The following PUS10 variants were observed in gnomAD, a reference collection of about 807,000 sequenced individuals.
The protein encoded by PUS10 is tRNA pseudouridine synthase Pus10.
A neutral mutation model predicts 75.0 loss-of-function variants in PUS10; 59 were observed. The observed-to-expected ratio is 0.79, with a 90% confidence interval of 0.64 to 0.98. The LOEUF (loss-of-function observed/expected upper bound fraction) is 0.98. Ranked by LOEUF, PUS10 falls within the 50% of genes least tolerant of loss-of-function variation. PUS10 has a pLI of 0.00. For missense variants in PUS10, 650 were observed against 614.4 expected (o/e 1.06, Z -0.61); for synonymous variants, 219 against 211.6 (o/e 1.03, Z -0.30).
At chr2:60,996,573 C>A (rs1223879353) in intron 4 of PUS10, among the ~76,000 whole-genome samples, 1 of 150,958 alleles carries the variant, frequency 6.6e-6, no homozygotes, top group Non-Finnish European at 1.5e-5. Flanking sequence ...TGAAAATACA[C>A]AAGATGTAGA....
chr2:60,946,816 A>G (rs1439701398), intron 16 of PUS10, among the ~76,000 whole-genome samples: 1 of 142,514 alleles, frequency 7.0e-6, no homozygotes, highest in Non-Finnish European at 1.5e-5. Context: ...CTTTTTTCCC[A>G]TATATATATA....
intron 6 of PUS10, 96 bp from the exon 7 acceptor site, chr2:60,965,580 C>T: frequency 3.3e-6 from 3 of 910,694 alleles, no homozygotes; most frequent in South Asian, 3.3e-5. Context: ...AAGATTGGCT[C>T]AGAAAAGAAT....
In PUS10 at chr2:61,011,828, A is replaced by C; in HGVS notation, c.63T>G (p.Cys21Trp). 1 of 1,611,478 alleles carries C rather than the reference A, an allele frequency of 6.2e-7. No individual in the cohort carries two copies. The highest frequency in any genetic ancestry group is 8.5e-7 in the Non-Finnish European group (1 of 1,178,462). ...CACAGAATCTGAAGATACATCTTGG[A>C]CAAGTACCAGTATTGAGCAACAACT... ...VAQLLLNTGT[C>W]PRCIFRFCGV... Residue 21 changes from cysteine to tryptophan, a missense_variant, in exon 2 of 18, where the codon TGT becomes TGG. Transcript: ENST00000316752.
chr2:61,017,649 GCGGGGTGGA>G, intron 1 of PUS10: 1 of 786,980 alleles, frequency 1.3e-6, no homozygotes, highest in Non-Finnish European at 2.1e-6. Flanking sequence ...GCAAGGGTGG[GCGGGGTGGA>G]CGGCTCGGTG....
At chr2:61,000,373 C>A (rs2104638052) in intron 4 of PUS10, among the ~76,000 whole-genome samples, 1 of 152,266 alleles carries the variant, frequency 6.6e-6, no homozygotes. Context: ...AATGTGTATT[C>A]ATTTTCTATT....
chr2:60,989,845 G>A (rs1025231071), intron 4 of PUS10, among the ~76,000 whole-genome samples: 13 of 151,826 alleles, frequency 8.6e-5, no homozygotes, highest in African/African-American at 3.1e-4. Flanking sequence ...GGCTGGTCTC[G>A]AACTCCTGAC....
chr2:60,956,760 A>G (rs943401565), intron 11 of PUS10, among the ~76,000 whole-genome samples: 6 of 152,050 alleles, frequency 3.9e-5, no homozygotes, highest in Non-Finnish European at 7.4e-5. Context: ...TGGATCACGA[A>G]GTCAGAAGAT....
intron 4 of PUS10, 129 bp from the exon 5 acceptor site, chr2:60,971,686 A>T: frequency 2.4e-6 from 2 of 820,434 alleles, no homozygotes; most frequent in Non-Finnish European, 4.0e-6. Context: ...GTGACGAGTT[A>T]GTATTCAAAA....
intron 6 of PUS10, chr2:60,966,547 G>A (rs1276301466): frequency 6.6e-6 from 1 of 151,960 alleles, no homozygotes; most frequent in Non-Finnish European, 1.5e-5. Flanking sequence ...TCTATTTTCT[G>A]TTCTCACTGA....
At chr2:61,010,788 G>A in intron 2 of PUS10, 1 of 1,550,194 alleles carries the variant, frequency 6.5e-7, no homozygotes. Context: ...CAAATCCTAG[G>A]TTTTGAATTC....
At chr2:61,000,888 C>G (rs1254702632) in intron 4 of PUS10, among the ~76,000 whole-genome samples, 1 of 152,174 alleles carries the variant, frequency 6.6e-6, no homozygotes, top group Non-Finnish European at 1.5e-5. Flanking sequence ...TAAAAGCCCT[C>G]AAAAATCAAG....
intron 4 of PUS10, among the ~76,000 whole-genome samples, chr2:60,997,985 A>G (rs955253753): frequency 6.6e-5 from 10 of 152,236 alleles, no homozygotes; most frequent in Non-Finnish European, 1.5e-4. Flanking sequence ...CAAATGGACA[A>G]AAAGCAGAAA....
intron 4 of PUS10, among the ~76,000 whole-genome samples, chr2:61,005,939 T>A (rs764925087): frequency 3.3e-5 from 5 of 152,220 alleles, no homozygotes; most frequent in Admixed American, 6.5e-5. Flanking sequence ...TTAGAACCCA[T>A]GGTTGTAATT....
At chr2:61,007,682 T>C (rs975352749) in intron 3 of PUS10, among the ~76,000 whole-genome samples, 1 of 143,116 alleles carries the variant, frequency 7.0e-6, no homozygotes, top group Non-Finnish European at 1.5e-5. Context: ...GGCAAGAGAA[T>C]CATTTGAACC....
intron 5 of PUS10, among the ~76,000 whole-genome samples, chr2:60,968,544 C>T (rs1157106923): frequency 6.6e-6 from 1 of 151,676 alleles, no homozygotes; most frequent in Non-Finnish European, 1.5e-5. Flanking sequence ...TAATTTAAGA[C>T]CAAAAGACAC....
rs778156045 is a variant in PUS10, at chr2:60,967,338, G to C, written c.615+164C>G. 3 of 511,844 alleles carry C rather than the reference G, an allele frequency of 5.9e-6. No homozygotes were observed. In the African/African-American group the frequency reaches 6.1e-5, roughly 10 times the overall value. 31.7% of individuals were successfully genotyped at this position (511,844 alleles called of 1,614,324 possible). A position where few individuals can be genotyped will look rare whatever the true frequency, so the allele number is the denominator to read the frequency against. On this transcript the variant is annotated intron_variant, in intron 6 of 17. Transcript: ENST00000316752. ...GGAAAAAGAAAAAAAGAAATGCTTT[G>C]ACTTCAATTTAAGACTATCAGAATT... is the stretch of plus-strand genomic sequence containing the variant.
chr2:61,007,097 A>T (rs1305531861), intron 3 of PUS10, among the ~76,000 whole-genome samples: 1 of 152,200 alleles, frequency 6.6e-6, no homozygotes, highest in East Asian at 1.9e-4. Flanking sequence ...GCAAAATGAA[A>T]ACAAACTGCT....
chr2:60,974,636 T>C (rs1323173016), intron 4 of PUS10, among the ~76,000 whole-genome samples: 2 of 152,218 alleles, frequency 1.3e-5, no homozygotes, highest in Non-Finnish European at 2.9e-5. Context: ...CTGCGGTTTC[T>C]AGCGTCTCCA....
chr2:60,954,211 T>G, intron 12 of PUS10, 53 bp from the exon 13 acceptor site: 2 of 1,574,162 alleles, frequency 1.3e-6, no homozygotes, highest in Non-Finnish European at 1.7e-6. Context: ...GAGTTAACAT[T>G]TGGGCTAATG....
Sources: allele counts gnomAD v4.1 joint callset (sites outside exome capture counted in the v4.1 genomes callset), GRCh38; gene constraint gnomAD v4.1.1; transcripts MANE v1.5; gene names NCBI Gene and HGNC (gene_info 2026-07-23, HGNC 2026-07-21).